TAFA5: variants seen among roughly 807,000 people sequenced by gnomAD.
TAFA5 encodes TAFA chemokine like family member 5.
TAFA5 carries 6 observed loss-of-function variants against 15.3 expected under a neutral mutation model. The ratio of observed to expected loss-of-function variants is 0.39; its 90% CI spans 0.21 to 0.77. The LOEUF is 0.77. Ranked by LOEUF, TAFA5 falls within the 30% of genes least tolerant of loss-of-function variation. The pLI is 0.41. For synonymous variants in TAFA5, 103 were observed against 80.7 expected, an observed-to-expected ratio of 1.28 and a Z score of -1.48; for missense variants, 161 against 193.1, an observed-to-expected ratio of 0.83 and a Z score of 0.98.
chr22:48,677,288 C>G (rs147720318), intron 2 of TAFA5, among the ~76,000 whole-genome samples: 1 of 152,236 alleles, frequency 6.6e-6, no homozygotes, highest in Non-Finnish European at 1.5e-5. Flanking sequence ...GGACCCTGCC[C>G]GCCCGCTGTG....
intron 1 of TAFA5, among the ~76,000 whole-genome samples, chr22:48,535,414 A>G (rs1242021452): frequency 6.6e-6 from 1 of 152,246 alleles, no homozygotes; most frequent in African/African-American, 2.4e-5. Context: ...ACGGGTGTGT[A>G]TATGTCACAG....
chr22:48,736,997 C>T (rs1930048087), intron 3 of TAFA5, among the ~76,000 whole-genome samples: 1 of 152,240 alleles, frequency 6.6e-6, no homozygotes, highest in South Asian at 2.1e-4. Flanking sequence ...CACACAGGTA[C>T]TTAGGCATAG....
chr22:48,646,026 A>G (rs1376078795), intron 1 of TAFA5, among the ~76,000 whole-genome samples: 6 of 152,160 alleles, frequency 3.9e-5, no homozygotes, highest in African/African-American at 7.2e-5. Context: ...GCATCGATGC[A>G]CACAGTGGTG....
At chr22:48,643,541 G>A (rs1351420146) in intron 1 of TAFA5, among the ~76,000 whole-genome samples, 2 of 152,202 alleles carry the variant, frequency 1.3e-5, no homozygotes, top group African/African-American at 4.8e-5. Flanking sequence ...CAGAGGAGGA[G>A]TCCAGCTAGG....
At chr22:48,689,206 C>T (rs947448682) in intron 2 of TAFA5, among the ~76,000 whole-genome samples, 13 of 152,104 alleles carry the variant, frequency 8.5e-5, no homozygotes, top group African/African-American at 2.7e-4. Context: ...TTCAAAAACG[C>T]GTGGAACCCT....
At chr22:48,704,583 G>T (rs1472769530) in intron 2 of TAFA5, among the ~76,000 whole-genome samples, 2 of 152,130 alleles carry the variant, frequency 1.3e-5, no homozygotes, top group African/African-American at 4.8e-5. Flanking sequence ...GCTGCAGCCT[G>T]GGTGGCTTGT....
intron 1 of TAFA5, among the ~76,000 whole-genome samples, chr22:48,524,086 GA>G (rs1278866482): frequency 2.0e-5 from 3 of 152,212 alleles, no homozygotes; most frequent in Non-Finnish European, 4.4e-5. Context: ...TATTGCCTCT[GA>G]CCTTATTTTA....
At chr22:48,659,090 C>T (rs139940492) in intron 2 of TAFA5, among the ~76,000 whole-genome samples, 2 of 152,222 alleles carry the variant, frequency 1.3e-5, no homozygotes, top group African/African-American at 4.8e-5. Context: ...GAGGGCGCAG[C>T]GCCTTCTGGA....
At chr22:48,631,603 C>A (rs571488988) in intron 1 of TAFA5, among the ~76,000 whole-genome samples, 1 of 152,188 alleles carries the variant, frequency 6.6e-6, no homozygotes, top group Non-Finnish European at 1.5e-5. Flanking sequence ...ACAGCCCCGG[C>A]GTCACACCGG....
At chr22:48,741,019 C>T (rs902570342) in intron 3 of TAFA5, among the ~76,000 whole-genome samples, 1 of 152,094 alleles carries the variant, frequency 6.6e-6, no homozygotes, top group African/African-American at 2.4e-5. Flanking sequence ...ACCCAACGTC[C>T]CCGAGGATGT....
intron 1 of TAFA5, among the ~76,000 whole-genome samples, chr22:48,518,036 G>A (rs967131335): frequency 6.6e-6 from 1 of 152,236 alleles, no homozygotes; most frequent in Non-Finnish European, 1.5e-5. Flanking sequence ...GTGGTCACAG[G>A]CGGCTGGATG....
chr22:48,742,924 C>T lies in TAFA5; in HGVS notation c.391-6915C>T, dbSNP rs1015637023. Among the ~76,000 whole-genome samples the T allele has an allele frequency of 2.0e-5, 3 of 152,174 alleles. No individual in the cohort carries two copies. The highest frequency in any genetic ancestry group is 1.3e-4 in the Admixed American group (2 of 15,284). On this transcript the variant is annotated intron_variant, in intron 3 of 3. Transcript: ENST00000402357. The surrounding 1 kb of genome is among the most constrained non-coding windows in gnomAD (Gnocchi z 6.2). ...ACACGCGGGGCCCCCACAGTGCGGACATGTTGGGGCAATGCTGCCTGGCCC... is the reference window on the plus strand; with the variant it reads ...ACACGCGGGGCCCCCACAGTGCGGATATGTTGGGGCAATGCTGCCTGGCCC...
rs1053652669 is a variant in TAFA5, at chr22:48,746,448, C to T, written c.391-3391C>T. Among the ~76,000 whole-genome samples the T allele has an allele frequency of 1.3e-5, 2 of 151,984 alleles. 1 individual carries two copies. Among genetic ancestry groups the T allele is most frequent in the South Asian group, 4.2e-4 (2 of 4,814 alleles). On this transcript the variant is annotated intron_variant, in intron 3 of 3. Coordinates refer to ENST00000402357, the MANE Select transcript of TAFA5 (RefSeq NM_001082967.3). ...GTTCAAGGCTGCAGTGAGCTGCAAT[C>T]GCACCACTGCACTCCAGCCTGGGTG...
chr22:48,549,514 T>C (rs901882904), intron 1 of TAFA5, among the ~76,000 whole-genome samples: 2 of 152,198 alleles, frequency 1.3e-5, no homozygotes, highest in Non-Finnish European at 2.9e-5. Context: ...ATGGTATTCA[T>C]GTGGTGGCAT....
chr22:48,573,900 T>C (rs968773441), intron 1 of TAFA5, among the ~76,000 whole-genome samples: 1 of 152,166 alleles, frequency 6.6e-6, no homozygotes, highest in Admixed American at 6.5e-5. Context: ...TCTCTCCTGA[T>C]TGAGGTCCCT....
At chr22:48,664,490 G>C (rs569080904) in intron 2 of TAFA5, among the ~76,000 whole-genome samples, 1 of 152,146 alleles carries the variant, frequency 6.6e-6, no homozygotes, top group African/African-American at 2.4e-5. Flanking sequence ...GGGCTTAGAA[G>C]CCCAAAATAG....
At chr22:48,553,200 C>T (rs913510355) in intron 1 of TAFA5, among the ~76,000 whole-genome samples, 2 of 152,176 alleles carry the variant, frequency 1.3e-5, no homozygotes, top group Admixed American at 1.3e-4. Context: ...CCCTCCTGGA[C>T]CACCTTGACT....
chr22:48,599,440 G>A (rs903134112), intron 1 of TAFA5, among the ~76,000 whole-genome samples: 3 of 152,242 alleles, frequency 2.0e-5, no homozygotes, highest in African/African-American at 4.8e-5. Context: ...CAGGTTGGGC[G>A]TCACAGGCCC....
chr22:48,685,728 G>T (rs1928332243), intron 2 of TAFA5, among the ~76,000 whole-genome samples: 2 of 151,910 alleles, frequency 1.3e-5, no homozygotes, highest in African/African-American at 4.8e-5. Context: ...CAGTTGGCTG[G>T]GGGGCTTAGG....
Sources: gnomAD v4.1 joint callset for allele counts (sites outside exome capture counted in the v4.1 genomes callset) on GRCh38, gnomAD v4.1.1 for gene constraint, Gnocchi (gnomAD v3.1) non-coding constraint, MANE v1.5 for transcripts, NCBI Gene and HGNC (gene_info 2026-07-23, HGNC 2026-07-21) for gene names.